Variants in GAP43 observed in about 807,000 individuals in gnomAD.
GAP43 encodes growth associated protein 43, also known as neuromodulin.
GAP43 carries 6 observed loss-of-function variants against 18.6 expected under a neutral mutation model. The ratio of observed to expected loss-of-function variants is 0.32; its 90% CI spans 0.18 to 0.64. The LOEUF is 0.64. GAP43 is among the 30% of genes least tolerant of loss of function. The pLI, the probability that GAP43 is intolerant of heterozygous loss-of-function variation, is 0.78. For synonymous variants in GAP43, 115 were observed against 111.4 expected (o/e 1.03, Z -0.20); for missense variants, 292 against 295.5 (o/e 0.99, Z 0.09).
At chr3:115,686,935 C>T (rs1226127347) in intron 2 of GAP43, among the ~76,000 whole-genome samples, 1 of 152,124 alleles carries the variant, frequency 6.6e-6, no homozygotes, top group Non-Finnish European at 1.5e-5. Context: ...AATGTCTTCA[C>T]AGAGGTAGAA....
intron 2 of GAP43, among the ~76,000 whole-genome samples, chr3:115,693,218 G>A (rs980007335): frequency 6.6e-6 from 1 of 152,188 alleles, no homozygotes. Context: ...TTCTCTCCAG[G>A]CCTCCCTCTC....
At chr3:115,675,613 G>A (rs895340453) in intron 1 of GAP43, among the ~76,000 whole-genome samples, 4 of 151,976 alleles carry the variant, frequency 2.6e-5, no homozygotes, top group African/African-American at 9.7e-5. Flanking sequence ...ACAAAACTTA[G>A]TCGAGTGTAG....
intron 2 of GAP43, among the ~76,000 whole-genome samples, chr3:115,701,145 C>G (rs1189460219): frequency 6.6e-6 from 1 of 152,138 alleles, no homozygotes; most frequent in Non-Finnish European, 1.5e-5. Flanking sequence ...ACTATTTTAG[C>G]TACCACTATC....
At chr3:115,662,700 G>C (rs1183477502) in intron 1 of GAP43, among the ~76,000 whole-genome samples, 4 of 152,164 alleles carry the variant, frequency 2.6e-5, no homozygotes, top group African/African-American at 9.7e-5. Context: ...CATCTGTAAA[G>C]CTCCCCATTG....
intron 1 of GAP43, among the ~76,000 whole-genome samples, chr3:115,630,087 T>C (rs1174385718): frequency 6.6e-6 from 1 of 152,144 alleles, no homozygotes; most frequent in Non-Finnish European, 1.5e-5. Flanking sequence ...TTACCACAAC[T>C]CTGGATCTTC....
chr3:115,695,239 G>A (rs1709169887), intron 2 of GAP43, among the ~76,000 whole-genome samples: 1 of 152,132 alleles, frequency 6.6e-6, no homozygotes, highest in Admixed American at 6.5e-5. Flanking sequence ...TGGAACCTTA[G>A]ACTAACTGGG....
At chr3:115,659,252 A>G (rs1708626582) in intron 1 of GAP43, among the ~76,000 whole-genome samples, 1 of 152,190 alleles carries the variant, frequency 6.6e-6, no homozygotes, top group Admixed American at 6.5e-5. Flanking sequence ...CAGAGACCCC[A>G]TTTGGAAAAC....
chr3:115,626,202 T>C (rs562189840), intron 1 of GAP43, among the ~76,000 whole-genome samples: 3 of 152,330 alleles, frequency 2.0e-5, no homozygotes, highest in Admixed American at 1.3e-4. Flanking sequence ...ATCCTTCTGC[T>C]GGCATCTATT....
At chr3:115,708,144 C>T (rs182762635) in intron 2 of GAP43, among the ~76,000 whole-genome samples, 7 of 152,248 alleles carry the variant, frequency 4.6e-5, no homozygotes, top group Admixed American at 2.0e-4. Context: ...AGTTAAAACA[C>T]CAACAAATGT....
chr3:115,683,168 C>T (rs1352058310), intron 2 of GAP43, among the ~76,000 whole-genome samples: 2 of 151,740 alleles, frequency 1.3e-5, no homozygotes, highest in East Asian at 3.9e-4. Flanking sequence ...CACACACACA[C>T]ACACACACAC....
intron 1 of GAP43, among the ~76,000 whole-genome samples, chr3:115,638,725 T>C (rs1398691678): frequency 2.6e-5 from 4 of 151,958 alleles, no homozygotes; most frequent in African/African-American, 9.7e-5. Flanking sequence ...TTGTCTGTAA[T>C]GTCTTCCTTC....
At chr3:115,707,347 C>T (rs1245274797) in intron 2 of GAP43, among the ~76,000 whole-genome samples, 2 of 152,192 alleles carry the variant, frequency 1.3e-5, no homozygotes, top group Non-Finnish European at 2.9e-5. Flanking sequence ...GTCACCAAGG[C>T]TGGAGTGCAG....
At chr3:115,639,224 A>G (rs1708367629) in intron 1 of GAP43, among the ~76,000 whole-genome samples, 2 of 152,184 alleles carry the variant, frequency 1.3e-5, no homozygotes, top group South Asian at 4.1e-4. Context: ...AGCTAAGACC[A>G]TACAGACTTG....
chr3:115,623,701 T>C lies in GAP43; in HGVS notation c.12T>C (p.Cys4=). The change falls in exon 1 of 3, where the codon TGT becomes TGC. Residue 4 remains cysteine, a synonymous_variant. Coordinates refer to ENST00000305124, the MANE Select transcript of GAP43 (RefSeq NM_002045.4). The part of the protein sequence containing the change: MLC[C]MRRTKQVEKN... ...GGGACGAGACAACCATGCTGTGCTG[T>C]ATGAGAAGAACCAAACAGGTAGAGC... is the stretch of plus-strand genomic sequence containing the variant. 1 of 1,614,166 alleles carries C rather than the reference T, an allele frequency of 6.2e-7. No homozygotes were observed. Among genetic ancestry groups the C allele is most frequent in the Non-Finnish European group, 8.5e-7 (1 of 1,180,010 alleles).
chr3:115,635,985 A>G (rs184304499), intron 1 of GAP43, among the ~76,000 whole-genome samples: 4 of 152,224 alleles, frequency 2.6e-5, no homozygotes. Context: ...GTTTGTGTAC[A>G]TACTTAAGTC....
At chr3:115,701,353 C>T (rs1156341851) in intron 2 of GAP43, among the ~76,000 whole-genome samples, 1 of 152,052 alleles carries the variant, frequency 6.6e-6, no homozygotes, top group Non-Finnish European at 1.5e-5. Flanking sequence ...AGTTCTGTAC[C>T]TGGCTGTGGA....
chr3:115,665,724 T>A (rs962060428), intron 1 of GAP43, among the ~76,000 whole-genome samples: 1 of 152,152 alleles, frequency 6.6e-6, no homozygotes, highest in Non-Finnish European at 1.5e-5. Context: ...TATTTGGGCT[T>A]TACTAACTAT....
intron 2 of GAP43, among the ~76,000 whole-genome samples, chr3:115,693,682 A>G (rs974125526): frequency 6.6e-6 from 1 of 151,886 alleles, no homozygotes; most frequent in African/African-American, 2.4e-5. Context: ...AGTTGTAATT[A>G]AGAAAGGGGT....
chr3:115,706,884 T>G (rs1017855487), intron 2 of GAP43, among the ~76,000 whole-genome samples: 2 of 152,222 alleles, frequency 1.3e-5, no homozygotes, highest in African/African-American at 4.8e-5. Context: ...GATAACTCAT[T>G]TATTAGGCAT....
Sources: allele counts gnomAD v4.1 joint callset (sites outside exome capture counted in the v4.1 genomes callset), GRCh38; gene constraint gnomAD v4.1.1; transcripts MANE v1.5; gene names NCBI Gene and HGNC (gene_info 2026-07-23, HGNC 2026-07-21).